The following ALK variants were observed in gnomAD, a reference collection of about 807,000 sequenced individuals.
The protein encoded by ALK is ALK tyrosine kinase receptor.
In ALK, 74 loss-of-function variants were observed where a neutral mutation model predicts 163.1. The observed-to-expected ratio is 0.45, with a 90% CI of 0.38 to 0.55. The LOEUF (loss-of-function observed/expected upper bound fraction) is 0.55. Ranked by LOEUF, ALK falls within the 20% of genes least tolerant of loss-of-function variation. The probability of loss-of-function intolerance (pLI) is 0.00; values close to 1 mark genes in which losing one functional copy is unlikely to be tolerated. For missense variants in ALK, 2,063 were observed against 2,105.3 expected (o/e 0.98, Z 0.39); for synonymous variants, 960 against 843.2 (o/e 1.14, Z -2.40).
At chr2:29,843,054 C>T (rs1665742851) in intron 1 of ALK, among the ~76,000 whole-genome samples, 1 of 152,076 alleles carries the variant, frequency 6.6e-6, no homozygotes, top group African/African-American at 2.4e-5. Flanking sequence ...CGCAGCTGGA[C>T]CAAATGGCAG....
intron 12 of ALK, among the ~76,000 whole-genome samples, chr2:29,249,284 C>T (rs933252929): frequency 6.6e-6 from 1 of 152,118 alleles, no homozygotes; most frequent in Middle Eastern, 3.2e-3. Flanking sequence ...ACAATGGGCT[C>T]CGCTGGGGGC....
intron 23 of ALK, 139 bp from the exon 24 acceptor site, chr2:29,214,220 C>T: frequency 1.4e-6 from 1 of 720,988 alleles, no homozygotes; most frequent in Non-Finnish European, 2.4e-6. Context: ...CCTGGCTGCA[C>T]ATTAGAAATC....
intron 1 of ALK, among the ~76,000 whole-genome samples, chr2:29,775,839 G>A (rs1681160720): frequency 6.6e-6 from 1 of 152,198 alleles, no homozygotes; most frequent in Admixed American, 6.5e-5. Flanking sequence ...ATCAATGACT[G>A]TAGTTTAAAG....
At chr2:29,686,564 A>G (rs1678246971) in intron 3 of ALK, among the ~76,000 whole-genome samples, 1 of 152,210 alleles carries the variant, frequency 6.6e-6, no homozygotes, top group South Asian at 2.1e-4. Context: ...GGAACTCAAG[A>G]CCCAGAGAGG....
intron 4 of ALK, among the ~76,000 whole-genome samples, chr2:29,442,128 C>T (rs1175825817): frequency 6.6e-6 from 1 of 151,808 alleles, no homozygotes; most frequent in African/African-American, 2.4e-5. Flanking sequence ...CTCTGGTCTC[C>T]GGCAGCCATT....
intron 26 of ALK, among the ~76,000 whole-genome samples, chr2:29,199,960 C>G (rs927939750): frequency 6.6e-6 from 1 of 152,150 alleles, no homozygotes; most frequent in Admixed American, 6.5e-5. Flanking sequence ...ATTTCAAAGA[C>G]TCTTGTGAGA....
intron 3 of ALK, among the ~76,000 whole-genome samples, chr2:29,566,498 A>C (rs1389531908): frequency 2.0e-5 from 3 of 152,194 alleles, no homozygotes; most frequent in African/African-American, 7.2e-5. Flanking sequence ...AACTCTAGAC[A>C]GTCAAAGGAA....
At chr2:29,594,144 T>C (rs951656161) in intron 3 of ALK, among the ~76,000 whole-genome samples, 1 of 152,192 alleles carries the variant, frequency 6.6e-6, no homozygotes, top group Non-Finnish European at 1.5e-5. Flanking sequence ...ATGTCAACAG[T>C]AGTAATGTTG....
chr2:29,592,008 C>T (rs1341932542), intron 3 of ALK, among the ~76,000 whole-genome samples: 1 of 152,014 alleles, frequency 6.6e-6, no homozygotes, highest in African/African-American at 2.4e-5. Flanking sequence ...AAAGTCAAGG[C>T]TACCCACATT....
chr2:29,571,661 G>C (rs932686121), intron 3 of ALK, among the ~76,000 whole-genome samples: 1 of 123,398 alleles, frequency 8.1e-6, no homozygotes, highest in Non-Finnish European at 1.6e-5. Flanking sequence ...TTGTCGCCCA[G>C]GCTAGAGTGC....
intron 3 of ALK, among the ~76,000 whole-genome samples, chr2:29,648,282 T>C (rs1192089612): frequency 6.6e-6 from 1 of 152,140 alleles, no homozygotes; most frequent in Non-Finnish European, 1.5e-5. Flanking sequence ...CAGCTGCCCC[T>C]CCCTCCTAAT....
intron 4 of ALK, among the ~76,000 whole-genome samples, chr2:29,474,279 A>G: frequency 6.6e-6 from 1 of 152,196 alleles, no homozygotes; most frequent in East Asian, 1.9e-4. Context: ...AAACAGGAAA[A>G]TCTAATCTAT....
chr2:29,537,471 A>G (rs1353839987), intron 3 of ALK, among the ~76,000 whole-genome samples: 1 of 152,238 alleles, frequency 6.6e-6, no homozygotes, highest in Non-Finnish European at 1.5e-5. Context: ...GCCTACAGAC[A>G]CACAGAATGC....
At chr2:29,846,012 A>C (rs1258672638) in intron 1 of ALK, among the ~76,000 whole-genome samples, 1 of 152,232 alleles carries the variant, frequency 6.6e-6, no homozygotes, top group African/African-American at 2.4e-5. Flanking sequence ...TCTATATCAT[A>C]TAGTGCTATA....
intron 18 of ALK, among the ~76,000 whole-genome samples, chr2:29,226,418 C>T (rs1400816406): frequency 7.1e-6 from 1 of 140,708 alleles, no homozygotes; most frequent in Non-Finnish European, 1.5e-5. Flanking sequence ...GCGGAGGTTG[C>T]AGTGAGCCGA....
At chr2:29,728,254 C>A (rs1255058460) in intron 1 of ALK, among the ~76,000 whole-genome samples, 3 of 152,210 alleles carry the variant, frequency 2.0e-5, no homozygotes, top group African/African-American at 7.2e-5. Flanking sequence ...ATTATTATTA[C>A]CATTTTCAAA....
intron 6 of ALK, among the ~76,000 whole-genome samples, 194 bp downstream of exon 6, chr2:29,328,156 C>T (rs1000730327): frequency 1.7e-4 from 26 of 152,328 alleles, no homozygotes; most frequent in East Asian, 3.9e-4. Context: ...TATATGACTA[C>T]GGACCAGGCT....
chr2:29,650,862 C>A (rs959929911), intron 3 of ALK, among the ~76,000 whole-genome samples: 1 of 152,118 alleles, frequency 6.6e-6, no homozygotes, highest in Admixed American at 6.6e-5. Flanking sequence ...TGCTTGGTAA[C>A]AATTAGCTCT....
intron 1 of ALK, among the ~76,000 whole-genome samples, chr2:29,867,321 T>G (rs1666460247): frequency 6.6e-6 from 1 of 152,186 alleles, no homozygotes; most frequent in Admixed American, 6.5e-5. Flanking sequence ...CTAAATGTTC[T>G]CCAGGGCGAA....
Sources: allele counts gnomAD v4.1 joint callset (sites outside exome capture counted in the v4.1 genomes callset), GRCh38; gene constraint gnomAD v4.1.1; transcripts MANE v1.5; gene names NCBI Gene and HGNC (gene_info 2026-07-23, HGNC 2026-07-21).